The following BCAS3 variants were observed in gnomAD, a reference collection of about 807,000 sequenced individuals.
BCAS3 encodes BCAS3 microtubule associated cell migration factor, also known as BCAS4/BCAS3 fusion.
BCAS3 carries 53 observed loss-of-function variants against 116.1 expected under a neutral mutation model. The observed-to-expected ratio is 0.46, with a 90% CI of 0.37 to 0.57. The LOEUF (loss-of-function observed/expected upper bound fraction) is 0.57, where lower values mean the gene tolerates loss of function less well. Among genes scored for constraint, BCAS3 ranks in the 20% least tolerant of loss-of-function variants. BCAS3 has a pLI of 0.00. For missense variants in BCAS3, 917 were observed against 1,165.4 expected (o/e 0.79, Z 3.10); for synonymous variants, 391 against 408.2 (o/e 0.96, Z 0.51).
chr17:61,245,371 A>G (rs2047861180), intron 22 of BCAS3: 1 of 152,102 alleles, frequency 6.6e-6, no homozygotes, highest in Non-Finnish European at 1.5e-5. Context: ...AAACGATATC[A>G]GTAAGTATTT....
At chr17:60,808,399 A>G (rs959970170) in intron 7 of BCAS3, among the ~76,000 whole-genome samples, 1 of 152,206 alleles carries the variant, frequency 6.6e-6, no homozygotes, top group African/African-American at 2.4e-5. Context: ...GCTAGGAATG[A>G]TTATGGTTTT....
At chr17:60,800,205 G>T (rs8065282) in intron 6 of BCAS3, among the ~76,000 whole-genome samples, 7,096 of 152,060 alleles carry the variant, frequency 0.047, 492 homozygotes, top group African/African-American at 0.15. Flanking sequence ...TTATATTTCC[G>T]CTGTGGCATT....
intron 7 of BCAS3, among the ~76,000 whole-genome samples, chr17:60,824,819 A>G (rs1568329665): frequency 6.6e-6 from 1 of 152,090 alleles, no homozygotes; most frequent in Non-Finnish European, 1.5e-5. Flanking sequence ...TGTTTTCTGG[A>G]AGATATTTGG....
chr17:60,839,251 ACCT>A (rs553657272), intron 7 of BCAS3, among the ~76,000 whole-genome samples: 2 of 151,796 alleles, frequency 1.3e-5, no homozygotes, highest in South Asian at 2.1e-4. Flanking sequence ...TTATTTTGAA[ACCT>A]CCTTAAAGAT....
At chr17:61,110,024 G>A (rs1362088482) in intron 22 of BCAS3, among the ~76,000 whole-genome samples, 2 of 152,162 alleles carry the variant, frequency 1.3e-5, no homozygotes, top group Non-Finnish European at 1.5e-5. Flanking sequence ...CTAAGCCAAT[G>A]TCTAGAAGGG....
rs557436986 is a variant in BCAS3, at chr17:61,088,105, C to T, written c.2425+3541C>T. On this transcript the variant is annotated intron_variant, in intron 22 of 23. Coordinates refer to ENST00000407086, the MANE Select transcript of BCAS3 (RefSeq NM_017679.5). This position sits in a 1 kb window ranked among gnomAD's most constrained non-coding sequence, Gnocchi z 4.2. ...GCTGAGGCACAAGAATTGCTTGAAC[C>T]CGGGAGGCAGAGGTTGCAGTGAGCT... Among the ~76,000 whole-genome samples the T allele has an allele frequency of 7.2e-5, 11 of 152,222 alleles. No individual in the cohort carries two copies. The highest frequency in any genetic ancestry group is 5.9e-4 in the Admixed American group (9 of 15,290).
chr17:61,241,596 G>A lies in BCAS3; in HGVS notation c.2426-126731G>A, dbSNP rs1045966666. 1.3e-5 allele frequency among the ~76,000 whole-genome samples: 2 copies of A among 151,944 alleles called. No homozygotes were observed. Among genetic ancestry groups the A allele is most frequent in the African/African-American group, 4.8e-5 (2 of 41,366 alleles). On this transcript the variant is annotated intron_variant, in intron 22 of 23. Coordinates refer to ENST00000407086, the MANE Select transcript of BCAS3 (RefSeq NM_017679.5). The surrounding 1 kb of genome is among the most constrained non-coding windows in gnomAD (Gnocchi z 4.6). ...TAGCCGGCCGTGGTGGCGGGTGCCT[G>A]TAGTCCCAGCTACTCGGGAGGATGA...
chr17:61,158,630 A>C (rs1032291692), intron 22 of BCAS3, among the ~76,000 whole-genome samples: 2 of 152,224 alleles, frequency 1.3e-5, no homozygotes, highest in African/African-American at 4.8e-5. Flanking sequence ...CCTTAACAAT[A>C]AAATCCCAGT....
chr17:61,357,285 A>T (rs1166803242), intron 22 of BCAS3, among the ~76,000 whole-genome samples: 107 of 148,446 alleles, frequency 7.2e-4, no homozygotes, highest in East Asian at 1.4e-3. Flanking sequence ...AATTAAATAA[A>T]TAAATAAATA....
intron 14 of BCAS3, among the ~76,000 whole-genome samples, chr17:60,985,658 C>T (rs140664727): frequency 1.9e-4 from 29 of 152,190 alleles, no homozygotes; most frequent in African/African-American, 6.3e-4. Flanking sequence ...TCCCTACTCC[C>T]CCCTCCTCCC....
At chr17:61,057,480 C>T (rs546444284) in intron 19 of BCAS3, among the ~76,000 whole-genome samples, 1 of 152,302 alleles carries the variant, frequency 6.6e-6, no homozygotes, top group South Asian at 2.1e-4. Flanking sequence ...TGAGTCATTG[C>T]CTTCTACGCC....
intron 7 of BCAS3, among the ~76,000 whole-genome samples, chr17:60,838,284 G>A (rs1269880139): frequency 1.3e-5 from 2 of 152,122 alleles, no homozygotes; most frequent in Non-Finnish European, 2.9e-5. Flanking sequence ...GAAATAAAAT[G>A]ACTTCATTTG....
chr17:60,880,794 G>A (rs1395225351), intron 9 of BCAS3, among the ~76,000 whole-genome samples: 2 of 152,030 alleles, frequency 1.3e-5, no homozygotes, highest in Admixed American at 6.6e-5. Context: ...CATTTTTAAT[G>A]TGCTTATTTG....
chr17:61,386,772 T>TG (rs777626019), intron 23 of BCAS3, among the ~76,000 whole-genome samples: 6 of 51,658 alleles, frequency 1.2e-4, no homozygotes, highest in East Asian at 1.1e-3. Flanking sequence ...ATTTCCTTAC[T>TG]GTTTTTTTTT....
At chr17:61,027,910 C>A (rs2145577276) in intron 16 of BCAS3, among the ~76,000 whole-genome samples, 1 of 151,880 alleles carries the variant, frequency 6.6e-6, no homozygotes, top group East Asian at 1.9e-4. Context: ...TACCGTGTTT[C>A]AAAAGAAGCT....
rs2059544864 is a variant in BCAS3, at chr17:61,380,310, A to C, written c.2594-11667A>C. On this transcript the variant is annotated intron_variant, in intron 23 of 23. Transcript: ENST00000407086. The surrounding 1 kb of genome is among the most constrained non-coding windows in gnomAD (Gnocchi z 4.2). ...GGGAGGAGGGAGAGAGGGAAGGATG[A>C]TACCAGTTTAGGCTAGTGAGAAATC... 3.3e-6 allele frequency: 2 copies of C among 604,668 alleles called. No individual in the cohort carries two copies. Among genetic ancestry groups the C allele is most frequent in the Non-Finnish European group, 5.9e-6 (2 of 337,898 alleles). The allele number at this position is 604,668 out of a possible 1,614,324, so 37.5% of individuals were successfully genotyped here. A position where few individuals can be genotyped will look rare whatever the true frequency, so the allele number is the denominator to read the frequency against.
At chr17:61,341,345 A>G (rs1384572302) in intron 22 of BCAS3, among the ~76,000 whole-genome samples, 1 of 152,220 alleles carries the variant, frequency 6.6e-6, no homozygotes, top group Non-Finnish European at 1.5e-5. Context: ...ACTCCGGGGC[A>G]GGCGGTGTCC....
intron 22 of BCAS3, among the ~76,000 whole-genome samples, chr17:61,123,317 A>G (rs1445494892): frequency 1.3e-5 from 2 of 152,022 alleles, no homozygotes; most frequent in Non-Finnish European, 2.9e-5. Context: ...CTGGTGCCCC[A>G]CACCTCCACT....
intron 22 of BCAS3, among the ~76,000 whole-genome samples, chr17:61,165,402 T>TA (rs2078429597): frequency 6.6e-6 from 1 of 152,226 alleles, no homozygotes; most frequent in Non-Finnish European, 1.5e-5. Context: ...CTACTTTTTT[T>TA]TAAAAAAGTT....
Sources: gnomAD v4.1 joint callset for allele counts (sites outside exome capture counted in the v4.1 genomes callset) on GRCh38, gnomAD v4.1.1 for gene constraint, Gnocchi (gnomAD v3.1) non-coding constraint, MANE v1.5 for transcripts, NCBI Gene and HGNC (gene_info 2026-07-23, HGNC 2026-07-21) for gene names.